Variants in F10 observed in about 807,000 individuals in gnomAD.
F10 encodes the protein Stuart-Prower factor.
Under a neutral mutation model 37.1 loss-of-function variants are expected in F10, and 29 were observed. That is an observed-to-expected ratio of 0.78 (90% CI 0.58 to 1.07). F10 has a LOEUF of 1.07. Among genes scored for constraint, F10 ranks in the 50% least tolerant of loss-of-function variants. The pLI is 0.00. For missense variants in F10, 539 were observed against 667.9 expected (o/e 0.81, Z 2.13); for synonymous variants, 262 against 268.6 (o/e 0.98, Z 0.24).
intron 3 of F10, among the ~76,000 whole-genome samples, chr13:113,138,820 T>C (rs2036501974): frequency 6.6e-6 from 1 of 152,252 alleles, no homozygotes; most frequent in Non-Finnish European, 1.5e-5. Context: ...GGTAACCACC[T>C]TGATTTAATG....
At chr13:113,136,613 A>G (rs2036480496) in intron 2 of F10, among the ~76,000 whole-genome samples, 1 of 141,490 alleles carries the variant, frequency 7.1e-6, no homozygotes, top group African/African-American at 2.7e-5. Flanking sequence ...GTGTGCCACC[A>G]TGGCAGGCTA....
intron 1 of F10, among the ~76,000 whole-genome samples, 172 bp from the exon 2 acceptor site, chr13:113,129,280 C>T (rs2036401796): frequency 6.6e-6 from 1 of 152,086 alleles, no homozygotes; most frequent in African/African-American, 2.4e-5. Flanking sequence ...GCAGAGAGGA[C>T]GGGTCCACTC....
At chr13:113,135,796 G>A (rs1023581686) in intron 2 of F10, among the ~76,000 whole-genome samples, 1 of 152,006 alleles carries the variant, frequency 6.6e-6, no homozygotes. Context: ...AAAACTTTTA[G>A]GAGAAAATAC....
chr13:113,146,424 TG>T lies in F10; in HGVS notation c.748-950del, dbSNP rs768167586. Among the ~76,000 whole-genome samples, 28 of 151,926 alleles carry T rather than the reference TG, an allele frequency of 1.8e-4. No homozygotes were observed. Among genetic ancestry groups the T allele is most frequent in the South Asian group, 6.2e-4 (3 of 4,810 alleles). On this transcript the variant is annotated intron_variant, in intron 6 of 7. Transcript: ENST00000375559. The surrounding 1 kb of genome is among the most constrained non-coding windows in gnomAD (Gnocchi z 4.5). Reference sequence around the variant, plus strand: ...CGGGGTTTTGGAGGGGTTCCTGGGCTGGGGGACCAGGGTGGGGCGCCCTGGA... The same window carrying T: ...CGGGGTTTTGGAGGGGTTCCTGGGCTGGGGACCAGGGTGGGGCGCCCTGGA...
chr13:113,125,197 T>C (rs930971895), intron 1 of F10, among the ~76,000 whole-genome samples: 1 of 152,252 alleles, frequency 6.6e-6, no homozygotes, highest in Admixed American at 6.5e-5. Flanking sequence ...AATCCAACTT[T>C]TTATTTTAAT....
chr13:113,131,559 A>G (rs2036434280), intron 2 of F10: 1 of 152,342 alleles, frequency 6.6e-6, no homozygotes, highest in African/African-American at 2.4e-5. Context: ...AAACTCAAAA[A>G]ATTATTGGTG....
rs368102192 is a variant in F10 at position 113,141,708 on chromosome 13, C to T, written c.502+658C>T. On this transcript the variant is annotated intron_variant, in intron 5 of 7. Coordinates refer to ENST00000375559, the MANE Select transcript of F10 (RefSeq NM_000504.4). The surrounding 1 kb of genome is among the most constrained non-coding windows in gnomAD (Gnocchi z 5.4). ...TTGCCTGGCTGCCGGCACTTCCACACGGCCAGCACACATGAGGCCCTCGAA... is the reference window on the plus strand; with the variant it reads ...TTGCCTGGCTGCCGGCACTTCCACATGGCCAGCACACATGAGGCCCTCGAA... Among the ~76,000 whole-genome samples, 25 of 152,346 alleles carry T rather than the reference C, an allele frequency of 1.6e-4. No individual in the cohort carries two copies. In the South Asian group the frequency reaches 4.8e-3, roughly 29 times the overall value.
In F10 at chr13:113,141,720, AT is replaced by A. The variant is rs900348168; in HGVS notation, c.502+671del. ...CGGCACTTCCACACGGCCAGCACAC[AT>A]GAGGCCCTCGAAGGCGGGGCCTAGG... On this transcript the variant is annotated intron_variant, in intron 5 of 7. Coordinates refer to ENST00000375559, the MANE Select transcript of F10 (RefSeq NM_000504.4). This position sits in a 1 kb window ranked among gnomAD's most constrained non-coding sequence, Gnocchi z 5.4. 2.0e-5 allele frequency among the ~76,000 whole-genome samples: 3 copies of A among 152,100 alleles called. No homozygotes were observed. Among genetic ancestry groups the A allele is most frequent in the African/African-American group, 7.2e-5 (3 of 41,424 alleles).
At position 113,141,779 on chromosome 13, in the gene F10, T is replaced by C. The variant is rs1178639783; in HGVS notation, c.502+729T>C. On this transcript the variant is annotated intron_variant, in intron 5 of 7. Coordinates refer to ENST00000375559, the MANE Select transcript of F10 (RefSeq NM_000504.4). This position sits in a 1 kb window ranked among gnomAD's most constrained non-coding sequence, Gnocchi z 5.4. ...GCTGCACCTTGCACAGCAACCCCACTCCCACTCATAGCTGGCCCGACCCGC... is the reference window on the plus strand; with the variant it reads ...GCTGCACCTTGCACAGCAACCCCACCCCCACTCATAGCTGGCCCGACCCGC... 2.6e-5 allele frequency among the ~76,000 whole-genome samples: 4 copies of C among 151,996 alleles called. No individual in the cohort carries two copies. The highest frequency in any genetic ancestry group is 3.4e-3 in the Middle Eastern group (1 of 292).
At chr13:113,124,658 A>G (rs2036353426) in intron 1 of F10, among the ~76,000 whole-genome samples, 2 of 152,256 alleles carry the variant, frequency 1.3e-5, no homozygotes, top group South Asian at 4.1e-4. Flanking sequence ...CAGCATCTGC[A>G]GTCTAGCCTT....
At chr13:113,140,505 C>T in intron 4 of F10, 3 of 476,602 alleles carry the variant, frequency 6.3e-6, no homozygotes, top group Non-Finnish European at 1.3e-5. Flanking sequence ...CATTTGGTAA[C>T]TTATGAGGCA....
intron 1 of F10, among the ~76,000 whole-genome samples, chr13:113,127,740 G>T (rs2036383852): frequency 6.6e-6 from 1 of 152,166 alleles, no homozygotes; most frequent in Non-Finnish European, 1.5e-5. Context: ...TTGAAAGTTG[G>T]CATGTATGTG....
chr13:113,138,860 T>C (rs2036502251), intron 3 of F10, among the ~76,000 whole-genome samples: 1 of 152,274 alleles, frequency 6.6e-6, no homozygotes, highest in African/African-American at 2.4e-5. Context: ...GCCTCAGTCA[T>C]GACTACCTGG....
chr13:113,132,190 A>G (rs969279903), intron 2 of F10: 99 of 152,330 alleles, frequency 6.5e-4, no homozygotes, highest in Non-Finnish European at 7.3e-5. Flanking sequence ...TGTCTCTAAC[A>G]GAAAAAATTT....
intron 6 of F10, among the ~76,000 whole-genome samples, chr13:113,145,985 C>T (rs916249374): frequency 6.6e-6 from 1 of 152,120 alleles, no homozygotes; most frequent in African/African-American, 2.4e-5. Flanking sequence ...GAATTTTCAG[C>T]GCCCAAAACC....
At chr13:113,140,558 A>G (rs946746644) in intron 4 of F10, 5 of 500,968 alleles carry the variant, frequency 1.0e-5, no homozygotes, top group Non-Finnish European at 2.0e-5. Flanking sequence ...ACATTTTCTA[A>G]AATTTCAGGC....
chr13:113,145,580 A>T (rs139324314), intron 6 of F10, among the ~76,000 whole-genome samples: 1 of 152,216 alleles, frequency 6.6e-6, no homozygotes, highest in Non-Finnish European at 1.5e-5. Context: ...TGTATTAGTC[A>T]GTTTTCACAC....
chr13:113,133,506 G>A (rs2138533487), intron 2 of F10, among the ~76,000 whole-genome samples: 1 of 152,250 alleles, frequency 6.6e-6, no homozygotes, highest in East Asian at 1.9e-4. Flanking sequence ...ACATACACAA[G>A]GTGAAAGAGA....
rs1476602298 is a variant in F10, at chr13:113,149,437, G to A, written c.1387G>A (p.Asp463Asn). The change falls in exon 8 of 8, where the codon GAC becomes AAC. Residue 463 changes from aspartate (D) to asparagine (N), a missense_variant. By Grantham distance (23) the Asp-to-Asn change is conservative (BLOSUM62 1). Transcript: ENST00000375559. The surrounding 1 kb of genome is among the most constrained non-coding windows in gnomAD (Gnocchi z 7.5). ...GGTCACCGCCTTCCTCAAGTGGATC[G>A]ACAGGTCCATGAAAACCAGGGGCTT... The part of the protein sequence containing the change: ...TKVTAFLKWI[D>N]RSMKTRGLPK... 4 of 1,613,322 alleles carry A rather than the reference G, an allele frequency of 2.5e-6. No homozygotes were observed. The highest frequency in any genetic ancestry group is 2.2e-5 in the East Asian group (1 of 44,878).
Sources: allele counts gnomAD v4.1 joint callset (sites outside exome capture counted in the v4.1 genomes callset), GRCh38; gene constraint gnomAD v4.1.1; non-coding constraint Gnocchi (gnomAD v3.1); transcripts MANE v1.5; gene names NCBI Gene and HGNC (gene_info 2026-07-23, HGNC 2026-07-21).